DLC1: variants seen among roughly 807,000 people sequenced by gnomAD.
DLC1 encodes rho GTPase-activating protein 7.
DLC1 carries 54 observed loss-of-function variants against 140.3 expected under a neutral mutation model. The observed-to-expected ratio is 0.38, with a 90% confidence interval of 0.31 to 0.48. DLC1 has a LOEUF of 0.48. Among genes scored for constraint, DLC1 ranks in the 20% least tolerant of loss-of-function variants. The pLI is 0.96. For synonymous variants in DLC1, 986 were observed against 728.1 expected, an observed-to-expected ratio of 1.35 and a Z score of -5.70; for missense variants, 2,536 against 1,907.0, an observed-to-expected ratio of 1.33 and a Z score of -6.14.
intron 5 of DLC1, among the ~76,000 whole-genome samples, chr8:13,199,177 CTTTTTTTTTTTTTT>C (rs71207132): frequency 2.1e-5 from 2 of 93,288 alleles, no homozygotes; most frequent in African/African-American, 8.5e-5. Flanking sequence ...TTCTCTTTTT[CTTTTTTTTTTTTTT>C]TTTTTTTTTT....
intron 5 of DLC1, among the ~76,000 whole-genome samples, chr8:13,288,256 C>T (rs13252563): frequency 0.072 from 10,971 of 152,076 alleles, 536 homozygotes; most frequent in Non-Finnish European, 0.1. Flanking sequence ...TTTTGTTTTC[C>T]TTTAATACAG....
chr8:13,209,977 G>T (rs539238868), intron 5 of DLC1, among the ~76,000 whole-genome samples: 5 of 152,128 alleles, frequency 3.3e-5, no homozygotes, highest in South Asian at 2.1e-4. Context: ...AGAATGGCAA[G>T]TCTAGGCAAT....
chr8:13,180,069 G>C (rs1262072505), intron 5 of DLC1, among the ~76,000 whole-genome samples: 1 of 152,142 alleles, frequency 6.6e-6, no homozygotes, highest in South Asian at 2.1e-4. Context: ...ATCGTATGTA[G>C]TATTAGCAAT....
At chr8:13,260,003 G>A (rs1176162864) in intron 5 of DLC1, among the ~76,000 whole-genome samples, 2 of 152,178 alleles carry the variant, frequency 1.3e-5, no homozygotes, top group African/African-American at 2.4e-5. Context: ...ATGAAAAGCA[G>A]AAGGAATTTG....
At chr8:13,602,009 C>T (rs1363249261) in intron 1 of DLC1, among the ~76,000 whole-genome samples, 1 of 151,686 alleles carries the variant, frequency 6.6e-6, no homozygotes, top group Non-Finnish European at 1.5e-5. Flanking sequence ...AAAAGGAAAA[C>T]AACTACATAT....
At chr8:13,585,017 A>G (rs946649231) in intron 1 of DLC1, among the ~76,000 whole-genome samples, 2 of 152,212 alleles carry the variant, frequency 1.3e-5, no homozygotes, top group African/African-American at 4.8e-5. Context: ...TCACTCAATA[A>G]AGATTCTTGA....
chr8:13,457,676 C>CAA (rs34916262), intron 2 of DLC1, among the ~76,000 whole-genome samples: 3,547 of 54,554 alleles, frequency 0.065, 299 homozygotes, highest in Middle Eastern at 0.11. Context: ...GACTCCATCT[C>CAA]AAAAAAAAAA....
chr8:13,294,352 T>C (rs1056299413), intron 5 of DLC1, among the ~76,000 whole-genome samples: 2 of 152,152 alleles, frequency 1.3e-5, no homozygotes, highest in African/African-American at 2.4e-5. Context: ...CTGAGATAAA[T>C]GGAACGCTCA....
chr8:13,122,128 T>C (rs61257162), intron 5 of DLC1, among the ~76,000 whole-genome samples: 1,917 of 152,298 alleles, frequency 0.013, 49 homozygotes, highest in African/African-American at 0.041. Context: ...CCCGAGCCAC[T>C]GGGCTGGTTT....
intron 4 of DLC1, among the ~76,000 whole-genome samples, chr8:13,356,700 A>G (rs1163699229): frequency 6.6e-6 from 1 of 152,176 alleles, no homozygotes; most frequent in Non-Finnish European, 1.5e-5. Flanking sequence ...CCCATGGTCT[A>G]GGGCTTTAAT....
intron 4 of DLC1, among the ~76,000 whole-genome samples, chr8:13,351,168 C>T (rs879682946): frequency 6.6e-6 from 1 of 152,174 alleles, no homozygotes; most frequent in Non-Finnish European, 1.5e-5. Flanking sequence ...ATTCAGCAAA[C>T]ATGTGTATAG....
intron 4 of DLC1, among the ~76,000 whole-genome samples, chr8:13,368,054 A>G (rs1224134656): frequency 6.6e-6 from 1 of 152,214 alleles, no homozygotes; most frequent in African/African-American, 2.4e-5. Flanking sequence ...CAGTGACTAC[A>G]TCTTTGACCC....
intron 4 of DLC1, chr8:13,341,139 T>G (rs1183953267): frequency 6.6e-6 from 1 of 152,186 alleles, no homozygotes; most frequent in Non-Finnish European, 1.5e-5. Flanking sequence ...TTGAACTAAT[T>G]TCTTTAGCTT....
At chr8:13,201,969 CAG>C (rs1286172390) in intron 5 of DLC1, among the ~76,000 whole-genome samples, 2 of 125,944 alleles carry the variant, frequency 1.6e-5, no homozygotes, top group African/African-American at 3.0e-5. Context: ...TGTTTTGAGA[CAG>C]AGTCTTGCTC....
intron 1 of DLC1, 117 bp from the exon 2 acceptor site, chr8:13,500,313 C>T (rs1248113849): frequency 2.5e-6 from 1 of 395,766 alleles, no homozygotes; most frequent in Non-Finnish European, 4.5e-6. Flanking sequence ...TATAAAGCTT[C>T]TGTTTAGTAG....
At chr8:13,478,470 CCTT>C (rs1800539597) in intron 2 of DLC1, among the ~76,000 whole-genome samples, 1 of 152,190 alleles carries the variant, frequency 6.6e-6, no homozygotes, top group Non-Finnish European at 1.5e-5. Flanking sequence ...ATATTCTTCA[CCTT>C]CTCTCCTGTT....
chr8:13,548,998 TA>T (rs368252861), intron 1 of DLC1, among the ~76,000 whole-genome samples: 5 of 152,232 alleles, frequency 3.3e-5, no homozygotes, highest in Non-Finnish European at 7.4e-5. Flanking sequence ...TTATAAAATA[TA>T]AGACATTTAT....
At chr8:13,461,725 A>C (rs1469575709) in intron 2 of DLC1, among the ~76,000 whole-genome samples, 1 of 152,186 alleles carries the variant, frequency 6.6e-6, no homozygotes, top group African/African-American at 2.4e-5. Context: ...TCTACAGGAT[A>C]GGGAACAGAT....
intron 5 of DLC1, among the ~76,000 whole-genome samples, chr8:13,143,380 G>T (rs1016500010): frequency 1.3e-5 from 2 of 152,172 alleles, no homozygotes; most frequent in Non-Finnish European, 2.9e-5. Context: ...GATGCTTTTT[G>T]ACTTTTAATA....
Sources: allele counts gnomAD v4.1 joint callset (sites outside exome capture counted in the v4.1 genomes callset), GRCh38; gene constraint gnomAD v4.1.1; transcripts MANE v1.5; gene names NCBI Gene and HGNC (gene_info 2026-07-23, HGNC 2026-07-21).